Variants in DLG2 observed in about 807,000 individuals in gnomAD.
The protein encoded by DLG2 is disks large homolog 2.
In DLG2, 45 loss-of-function variants were observed where a neutral mutation model predicts 132.5. The observed-to-expected ratio is 0.34, with a 90% CI of 0.27 to 0.44. The LOEUF (loss-of-function observed/expected upper bound fraction) is 0.44. Among genes scored for constraint, DLG2 ranks in the 20% least tolerant of loss-of-function variants. The pLI, the probability that DLG2 is intolerant of heterozygous loss-of-function variation, is 1.00. For synonymous variants in DLG2, 424 were observed against 419.6 expected, an observed-to-expected ratio of 1.01 and a Z score of -0.13; for missense variants, 1,045 against 1,196.9, an observed-to-expected ratio of 0.87 and a Z score of 1.87.
intron 6 of DLG2, among the ~76,000 whole-genome samples, chr11:85,101,735 G>A (rs1337756547): frequency 1.3e-5 from 2 of 152,008 alleles, no homozygotes; most frequent in African/African-American, 4.8e-5. Context: ...ACACAGCTCT[G>A]TCACGAAACC....
intron 3 of DLG2, among the ~76,000 whole-genome samples, chr11:85,566,608 G>A (rs537207542): frequency 2.6e-5 from 4 of 152,172 alleles, no homozygotes; most frequent in African/African-American, 9.6e-5. Flanking sequence ...GGCAGAAAGA[G>A]GGCAAGAGAG....
intron 3 of DLG2, among the ~76,000 whole-genome samples, chr11:85,440,575 G>A (rs954174774): frequency 7.9e-5 from 12 of 152,148 alleles, no homozygotes; most frequent in Admixed American, 7.2e-4. Context: ...GTTCACAAGT[G>A]TCTTTATGCT....
chr11:83,663,284 C>T (rs1473715061), intron 18 of DLG2, among the ~76,000 whole-genome samples: 1 of 152,124 alleles, frequency 6.6e-6, no homozygotes, highest in Non-Finnish European at 1.5e-5. Flanking sequence ...CCTGGACTGT[C>T]TAATTCCCAA....
chr11:83,633,399 G>A (rs2063919706), intron 18 of DLG2, 74 bp from the exon 19 acceptor site: 1 of 1,220,188 alleles, frequency 8.2e-7, no homozygotes, highest in Non-Finnish European at 1.2e-6. Flanking sequence ...AGCCCAGGCA[G>A]CCCCTCACCC....
rs143065797 is a variant in DLG2, at chr11:83,770,255, G to GTTT, written c.1825+16432_1825+16434dup. On this transcript the variant is annotated intron_variant, in intron 18 of 27. Coordinates refer to ENST00000376104, the MANE Select transcript of DLG2 (RefSeq NM_001142699.3). ...TACCTTTTGTCTCGTGGTGTCTGGT[G>GTTT]TTTTTTTTTGTTTTTTTGCTTTTTG... Among the ~76,000 whole-genome samples, 57 of 109,922 alleles carry GTTT rather than the reference G, an allele frequency of 5.2e-4. No homozygotes were observed. In the East Asian group the frequency reaches 0.011, roughly 21 times the overall value. The allele number at this position is 109,922 out of a possible 152,430, so 72.1% of individuals were successfully genotyped here. A position where few individuals can be genotyped will look rare whatever the true frequency, so the allele number is the denominator to read the frequency against.
intron 4 of DLG2, among the ~76,000 whole-genome samples, chr11:85,262,855 C>A (rs547982324): frequency 6.0e-4 from 92 of 152,294 alleles, no homozygotes; most frequent in African/African-American, 1.9e-3. Flanking sequence ...GCAGCCCAAC[C>A]CTCATTTGGT....
chr11:84,679,177 T>C (rs1382302240), intron 6 of DLG2, among the ~76,000 whole-genome samples: 2 of 151,868 alleles, frequency 1.3e-5, no homozygotes, highest in Non-Finnish European at 2.9e-5. Flanking sequence ...AAAAACAATG[T>C]GGCTGTACAA....
intron 3 of DLG2, among the ~76,000 whole-genome samples, chr11:85,468,133 A>G (rs2092859715): frequency 6.6e-6 from 1 of 150,860 alleles, no homozygotes; most frequent in Non-Finnish European, 1.5e-5. Context: ...TGTAGTTTGT[A>G]TTTCTGTGGG....
intron 6 of DLG2, chr11:84,546,594 C>T: frequency 2.1e-6 from 1 of 474,278 alleles, no homozygotes; most frequent in Non-Finnish European, 4.1e-6. Flanking sequence ...GTCTTTGGTT[C>T]CACGACTCTC....
intron 3 of DLG2, among the ~76,000 whole-genome samples, chr11:85,335,851 G>A (rs903439169): frequency 2.6e-5 from 4 of 152,014 alleles, no homozygotes; most frequent in Non-Finnish European, 4.4e-5. Context: ...TGTAGATGAC[G>A]AGTTAATGGG....
chr11:84,180,338 A>T (rs1415912893), intron 8 of DLG2, among the ~76,000 whole-genome samples: 1 of 152,158 alleles, frequency 6.6e-6, no homozygotes, highest in South Asian at 2.1e-4. Flanking sequence ...AAAAAAGACA[A>T]GACACAGAAC....
chr11:84,461,647 A>C (rs1210725764), intron 7 of DLG2, among the ~76,000 whole-genome samples: 1 of 151,038 alleles, frequency 6.6e-6, no homozygotes, highest in Non-Finnish European at 1.5e-5. Context: ...TAAATGTTCA[A>C]GATAGGCTTT....
chr11:83,722,785 C>T (rs2088984832), intron 18 of DLG2, among the ~76,000 whole-genome samples: 1 of 152,104 alleles, frequency 6.6e-6, no homozygotes, highest in Non-Finnish European at 1.5e-5. Flanking sequence ...CTCTTAGTCC[C>T]CAGAGCCACA....
intron 3 of DLG2, among the ~76,000 whole-genome samples, chr11:85,505,658 A>G (rs1024320027): frequency 6.6e-6 from 1 of 152,194 alleles, no homozygotes; most frequent in African/African-American, 2.4e-5. Flanking sequence ...GATGTTCATC[A>G]GGGATATTGG....
chr11:85,003,517 TAA>T (rs1566623149), intron 6 of DLG2, among the ~76,000 whole-genome samples: 1 of 152,170 alleles, frequency 6.6e-6, no homozygotes, highest in African/African-American at 2.4e-5. Flanking sequence ...ATATGGAACT[TAA>T]GTCATTTAAT....
chr11:83,863,997 T>C (rs933825734), intron 16 of DLG2, among the ~76,000 whole-genome samples: 20 of 152,182 alleles, frequency 1.3e-4, no homozygotes, highest in Admixed American at 3.3e-4. Flanking sequence ...CACAGGAGAA[T>C]TCTCCTTTGC....
intron 7 of DLG2, among the ~76,000 whole-genome samples, chr11:84,477,006 C>G (rs1056204882): frequency 6.6e-6 from 1 of 152,046 alleles, no homozygotes; most frequent in Non-Finnish European, 1.5e-5. Flanking sequence ...ATAACAAATA[C>G]AGTAATCTTT....
chr11:84,003,410 A>T, intron 11 of DLG2, among the ~76,000 whole-genome samples: 1 of 152,120 alleles, frequency 6.6e-6, no homozygotes, highest in Admixed American at 6.6e-5. Context: ...GTCCATTTTC[A>T]TACTGCTATA....
At chr11:84,640,890 C>G (rs1034738685) in intron 6 of DLG2, among the ~76,000 whole-genome samples, 1 of 149,048 alleles carries the variant, frequency 6.7e-6, no homozygotes, top group Non-Finnish European at 1.5e-5. Flanking sequence ...CAGTGAGCTG[C>G]GATCAGGCCA....
Sources: gnomAD v4.1 joint callset for allele counts (sites outside exome capture counted in the v4.1 genomes callset) on GRCh38, gnomAD v4.1.1 for gene constraint, MANE v1.5 for transcripts, NCBI Gene and HGNC (gene_info 2026-07-23, HGNC 2026-07-21) for gene names.